Variants in PHACTR1 observed in about 807,000 individuals in gnomAD.
The protein encoded by PHACTR1 is RPEL repeat containing 1.
In PHACTR1, 16 loss-of-function variants were observed where a neutral mutation model predicts 69.2. The observed-to-expected ratio is 0.23, with a 90% CI of 0.16 to 0.35. PHACTR1 has a LOEUF of 0.35. PHACTR1 is among the 10% of genes least tolerant of loss of function. PHACTR1 has a pLI of 1.00. For synonymous variants in PHACTR1, 312 were observed against 284.5 expected, an observed-to-expected ratio of 1.10 and a Z score of -0.97; for missense variants, 510 against 734.7, an observed-to-expected ratio of 0.69 and a Z score of 3.54.
intron 6 of PHACTR1, among the ~76,000 whole-genome samples, chr6:13,181,854 A>G (rs553321089): frequency 6.6e-6 from 1 of 152,352 alleles, no homozygotes; most frequent in African/African-American, 2.4e-5. Context: ...CTGGTCTTCC[A>G]ATCTCTGAGG....
chr6:12,999,728 A>G (rs1310827151), intron 4 of PHACTR1, among the ~76,000 whole-genome samples: 1 of 152,260 alleles, frequency 6.6e-6, no homozygotes, highest in African/African-American at 2.4e-5. Context: ...TCGCAAATGC[A>G]TACCTATATG....
At chr6:12,935,853 C>A (rs1789387108) in intron 4 of PHACTR1, among the ~76,000 whole-genome samples, 1 of 152,048 alleles carries the variant, frequency 6.6e-6, no homozygotes, top group African/African-American at 2.4e-5. Context: ...AGCTGTGAGC[C>A]TGTGTGCATG....
At chr6:13,235,506 C>T (rs1404106219) in intron 10 of PHACTR1, among the ~76,000 whole-genome samples, 1 of 152,178 alleles carries the variant, frequency 6.6e-6, no homozygotes, top group Non-Finnish European at 1.5e-5. Context: ...TCGTGATCTG[C>T]CAGAGACAGC....
chr6:13,285,176 C>A (rs1282594292), intron 13 of PHACTR1, among the ~76,000 whole-genome samples: 1 of 152,198 alleles, frequency 6.6e-6, no homozygotes, highest in Non-Finnish European at 1.5e-5. Context: ...TTCTGAGTAG[C>A]TCTTAGGCCG....
chr6:12,777,795 C>T (rs572326289), intron 4 of PHACTR1, among the ~76,000 whole-genome samples: 5 of 152,204 alleles, frequency 3.3e-5, no homozygotes, highest in Admixed American at 2.6e-4. Context: ...CCGTGCCCGG[C>T]TAATTTTTCT....
intron 10 of PHACTR1, among the ~76,000 whole-genome samples, chr6:13,265,406 C>T (rs1365002869): frequency 2.0e-5 from 3 of 152,100 alleles, no homozygotes; most frequent in African/African-American, 4.8e-5. Context: ...TGGGGTACAC[C>T]GGATCAGGGC....
chr6:13,041,380 AG>A (rs1395268518), intron 4 of PHACTR1, among the ~76,000 whole-genome samples: 2 of 151,308 alleles, frequency 1.3e-5, no homozygotes, highest in African/African-American at 4.9e-5. Flanking sequence ...ACACACACAC[AG>A]AAGAGAAGAA....
intron 10 of PHACTR1, among the ~76,000 whole-genome samples, chr6:13,266,121 C>A (rs924583323): frequency 1.4e-4 from 22 of 152,068 alleles, no homozygotes; most frequent in African/African-American, 5.1e-4. Context: ...AGTGTGCCTG[C>A]CTCAGTGAAC....
chr6:13,120,733 G>T (rs1480582057), intron 5 of PHACTR1, among the ~76,000 whole-genome samples: 1 of 152,196 alleles, frequency 6.6e-6, no homozygotes. Context: ...GCCCCCACTT[G>T]TAGGAAAAAC....
At chr6:12,806,834 TG>T (rs1347438422) in intron 4 of PHACTR1, among the ~76,000 whole-genome samples, 4 of 152,234 alleles carry the variant, frequency 2.6e-5, no homozygotes, top group African/African-American at 4.8e-5. Context: ...CTGGGCAAAA[TG>T]GCTGTCCTTA....
intron 6 of PHACTR1, among the ~76,000 whole-genome samples, chr6:13,167,047 T>C (rs1175715118): frequency 6.6e-6 from 1 of 152,210 alleles, no homozygotes; most frequent in Non-Finnish European, 1.5e-5. Flanking sequence ...ATTATTCCAA[T>C]GTAGGCAGGA....
chr6:12,857,378 G>C (rs533338711), intron 4 of PHACTR1, among the ~76,000 whole-genome samples: 1 of 151,092 alleles, frequency 6.6e-6, no homozygotes, highest in Non-Finnish European at 1.5e-5. Flanking sequence ...GTGGGAGGCC[G>C]AGGCCAGAGG....
intron 6 of PHACTR1, among the ~76,000 whole-genome samples, chr6:13,170,497 C>A (rs1390102117): frequency 2.0e-5 from 3 of 152,186 alleles, no homozygotes; most frequent in Non-Finnish European, 4.4e-5. Flanking sequence ...CAGCCACTGA[C>A]ATGCATTGAC....
intron 4 of PHACTR1, among the ~76,000 whole-genome samples, chr6:12,809,259 T>G (rs576120854): frequency 3.4e-4 from 52 of 152,314 alleles, no homozygotes; most frequent in Middle Eastern, 6.8e-3. Context: ...TTTGGTAATA[T>G]GGAAAATAAA....
At chr6:13,248,148 T>G (rs1411141573) in intron 10 of PHACTR1, among the ~76,000 whole-genome samples, 1 of 152,228 alleles carries the variant, frequency 6.6e-6, no homozygotes, top group East Asian at 1.9e-4. Context: ...GGTGGTTCTC[T>G]GTCAAGTTTC....
intron 4 of PHACTR1, among the ~76,000 whole-genome samples, chr6:12,875,474 G>C (rs1210618442): frequency 1.3e-5 from 2 of 152,212 alleles, no homozygotes; most frequent in East Asian, 3.8e-4. Context: ...GCAGAACCAA[G>C]AGTCAGCCTT....
At chr6:12,866,218 A>G (rs1270181402) in intron 4 of PHACTR1, among the ~76,000 whole-genome samples, 1 of 152,174 alleles carries the variant, frequency 6.6e-6, no homozygotes. Context: ...GGTGTTTCTG[A>G]TTACAGACTG....
chr6:13,109,856 G>GTGTGTCTGTC (rs139210703), intron 5 of PHACTR1, among the ~76,000 whole-genome samples: 29 of 150,702 alleles, frequency 1.9e-4, no homozygotes, highest in African/African-American at 7.1e-4. Flanking sequence ...GTGTGTGTGT[G>GTGTGTCTGTC]TGTGTGTCTG....
At chr6:12,880,430 A>AT (rs1298965541) in intron 4 of PHACTR1, among the ~76,000 whole-genome samples, 2 of 151,864 alleles carry the variant, frequency 1.3e-5, no homozygotes, top group African/African-American at 4.8e-5. Flanking sequence ...TAATTCTTGT[A>AT]TTTTTTGTAG....
Sources: gnomAD v4.1 joint callset for allele counts (sites outside exome capture counted in the v4.1 genomes callset) on GRCh38, gnomAD v4.1.1 for gene constraint, MANE v1.5 for transcripts, NCBI Gene and HGNC (gene_info 2026-07-23, HGNC 2026-07-21) for gene names.